The following THOC2 variants were observed in gnomAD, a reference collection of about 807,000 sequenced individuals.
THOC2 encodes THO complex 2.
THOC2 carries 10 observed loss-of-function variants against 128.4 expected under a neutral mutation model. That is an observed-to-expected ratio of 0.08 (90% CI 0.05 to 0.13). The LOEUF is 0.13. Among genes scored for constraint, THOC2 ranks in the 10% least tolerant of loss-of-function variants. The pLI is 1.00. For synonymous variants in THOC2, 393 were observed against 396.9 expected (o/e 0.99, Z 0.12); for missense variants, 535 against 1,155.7 (o/e 0.46, Z 7.79).
chrX:123,666,150 T>C (rs2049040582), intron 11 of THOC2, among the ~76,000 whole-genome samples: 2 of 112,048 alleles, frequency 1.8e-5, no homozygotes, highest in Non-Finnish European at 3.8e-5. Flanking sequence ...ACACACCATC[T>C]GAATCTGTTT....
At chrX:123,703,233 T>C (rs901210432) in intron 4 of THOC2, among the ~76,000 whole-genome samples, 1 of 112,089 alleles carries the variant, frequency 8.9e-6, no homozygotes, top group East Asian at 2.8e-4. Flanking sequence ...TATAGAAATC[T>C]ACATTGTCAA....
chrX:123,620,737 A>G, intron 32 of THOC2, 170 bp downstream of exon 32: 1 of 413,766 alleles, frequency 2.4e-6, no homozygotes, highest in Non-Finnish European at 4.1e-6. Context: ...AAAATACTCA[A>G]TAGGAAAAAA....
chrX:123,710,758 G>A (rs72610607), intron 2 of THOC2, among the ~76,000 whole-genome samples: 3,545 of 109,107 alleles, frequency 0.032, 136 homozygotes, highest in East Asian at 0.3. Context: ...GGGAGGCTAA[G>A]GTGTGCGAAT....
intron 4 of THOC2, among the ~76,000 whole-genome samples, chrX:123,702,162 C>T (rs1031626652): frequency 1.8e-4 from 20 of 111,420 alleles, no homozygotes; most frequent in African/African-American, 5.5e-4. Context: ...TGGCCGGGTG[C>T]GGTGGCTCAC....
In THOC2 at chrX:123,638,113, A is replaced by G; in HGVS notation, c.1851T>C (p.Ile617=). The change falls in exon 18 of 39, where the codon ATT becomes ATC. Residue 617 remains isoleucine (I), a synonymous_variant. Transcript: ENST00000245838. ...LNYDVLAYCI[I]EALANPEKER... ...CCTTTTCTGGATTAGCTAAAGCTTC[A>G]ATGATACAATCTTTCATACATTAAG... 5.1e-6 allele frequency: 6 copies of G among 1,171,853 alleles called. No homozygotes were observed. Among genetic ancestry groups the G allele is most frequent in the Non-Finnish European group, 6.9e-6 (6 of 864,547 alleles).
Position 123,733,039 on chromosome X carries a change from G to A in THOC2, c.-17C>T. 1 of 1,206,490 alleles carries A rather than the reference G, an allele frequency of 8.3e-7. No individual in the cohort carries two copies. The highest frequency in any genetic ancestry group is 1.1e-6 in the Non-Finnish European group (1 of 890,640). ...GGCCGCCATCTTCCTCTCACTAGTA[G>A]CAGAAGCCCGGATGTGTAGCACGCG... is the stretch of plus-strand genomic sequence containing the variant. On this transcript the variant is annotated 5_prime_UTR_variant, in exon 1 of 39. Transcript: ENST00000245838.
At chrX:123,690,374 T>C (rs1468673752) in intron 7 of THOC2, among the ~76,000 whole-genome samples, 1 of 112,096 alleles carries the variant, frequency 8.9e-6, no homozygotes, top group East Asian at 2.8e-4. Flanking sequence ...CATTCTACTA[T>C]ATGTCAATGA....
At chrX:123,713,841 G>GAAA (rs1249437339) in intron 1 of THOC2, among the ~76,000 whole-genome samples, 1 of 90,115 alleles carries the variant, frequency 1.1e-5, no homozygotes, top group African/African-American at 4.0e-5. Flanking sequence ...TGGGAGACAG[G>GAAA]AAAAAAAAAA....
intron 12 of THOC2, among the ~76,000 whole-genome samples, chrX:123,657,026 G>A (rs1221581384): frequency 9.1e-6 from 1 of 110,451 alleles, no homozygotes; most frequent in African/African-American, 3.3e-5. Context: ...AAAGGGCAGG[G>A]GCAATATAAG....
At chrX:123,636,561 T>C (rs1279447384) in intron 18 of THOC2, among the ~76,000 whole-genome samples, 1 of 111,182 alleles carries the variant, frequency 9.0e-6, no homozygotes, top group Non-Finnish European at 1.9e-5. Flanking sequence ...TGCAGATCAC[T>C]CAGTAAACTT....
intron 37 of THOC2, 104 bp downstream of exon 37, chrX:123,611,336 C>A: frequency 1.7e-6 from 1 of 603,749 alleles, no homozygotes. Flanking sequence ...AACTAATCAG[C>A]CCTTAAGCAT....
intron 3 of THOC2, among the ~76,000 whole-genome samples, chrX:123,705,654 C>T (rs1404689240): frequency 9.0e-6 from 1 of 110,596 alleles, no homozygotes. Flanking sequence ...CTCAAATACA[C>T]CCCAATATGG....
chrX:123,617,097 A>AT (rs776192904), intron 33 of THOC2, among the ~76,000 whole-genome samples: 4 of 110,579 alleles, frequency 3.6e-5, no homozygotes, highest in Non-Finnish European at 5.7e-5. Flanking sequence ...GTCCAGTGAA[A>AT]TTTTTTTTCT....
intron 11 of THOC2, among the ~76,000 whole-genome samples, chrX:123,666,305 A>T (rs1370384608): frequency 8.9e-6 from 1 of 112,105 alleles, no homozygotes; most frequent in East Asian, 2.8e-4. Flanking sequence ...GGATTCCACA[A>T]CCTAGGGTAT....
At chrX:123,677,979 T>C (rs2049577246) in intron 8 of THOC2, among the ~76,000 whole-genome samples, 1 of 110,655 alleles carries the variant, frequency 9.0e-6, no homozygotes, top group African/African-American at 3.3e-5. Context: ...GAATCATCAG[T>C]ATCACTGTCT....
chrX:123,684,068 C>T (rs1352662192), intron 8 of THOC2, among the ~76,000 whole-genome samples: 12 of 110,578 alleles, frequency 1.1e-4, no homozygotes, highest in Admixed American at 3.9e-4. Context: ...TATTCAAATA[C>T]TGTTGACCCC....
chrX:123,732,644 G>C (rs1254576932), intron 1 of THOC2, among the ~76,000 whole-genome samples: 1 of 111,437 alleles, frequency 9.0e-6, no homozygotes, highest in Admixed American at 9.5e-5. Context: ...CGAAGAGGGG[G>C]ACACAAAAAG....
intron 2 of THOC2, among the ~76,000 whole-genome samples, chrX:123,708,220 A>T (rs1219171176): frequency 8.9e-6 from 1 of 112,381 alleles, no homozygotes; most frequent in Non-Finnish European, 1.9e-5. Context: ...TTTGCAGTAA[A>T]ATTAACTTGT....
chrX:123,630,122 T>A (rs771645948), intron 22 of THOC2, among the ~76,000 whole-genome samples: 2 of 112,045 alleles, frequency 1.8e-5, no homozygotes, highest in African/African-American at 6.5e-5. Flanking sequence ...AAGAAGGCTA[T>A]ACTTCGTATT....
Sources: allele counts gnomAD v4.1 joint callset (sites outside exome capture counted in the v4.1 genomes callset), GRCh38; gene constraint gnomAD v4.1.1; transcripts MANE v1.5; gene names NCBI Gene and HGNC (gene_info 2026-07-23, HGNC 2026-07-21).